GALK2: variants seen among roughly 807,000 people sequenced by gnomAD.
GALK2 encodes N-acetylgalactosamine kinase.
Under a neutral mutation model 52.4 loss-of-function variants are expected in GALK2, and 36 were observed. The observed-to-expected ratio is 0.69, with a 90% CI of 0.53 to 0.91. The LOEUF (loss-of-function observed/expected upper bound fraction) is 0.91. GALK2 is among the 40% of genes least tolerant of loss of function. GALK2 has a pLI of 0.00. For missense variants in GALK2, 579 were observed against 559.1 expected (o/e 1.04, Z -0.36); for synonymous variants, 176 against 199.1 (o/e 0.88, Z 0.98).
chr15:49,226,376 C>T (rs2090136792), intron 3 of GALK2, among the ~76,000 whole-genome samples: 1 of 152,180 alleles, frequency 6.6e-6, no homozygotes. Flanking sequence ...CCAGCTTCTT[C>T]TCTTTTCAGC....
chr15:49,291,373 G>A (rs2033918415), intron 7 of GALK2, among the ~76,000 whole-genome samples: 1 of 152,138 alleles, frequency 6.6e-6, no homozygotes, highest in Non-Finnish European at 1.5e-5. Context: ...TGTAACCAGA[G>A]TACAATAGTC....
At chr15:49,304,311 T>A (rs190399933) in intron 8 of GALK2, among the ~76,000 whole-genome samples, 6 of 152,322 alleles carry the variant, frequency 3.9e-5, no homozygotes, top group Admixed American at 3.9e-4. Context: ...TCAAACTGAT[T>A]GTGCTTCAGT....
At chr15:49,186,992 G>A (rs1404260942) in intron 1 of GALK2, among the ~76,000 whole-genome samples, 1 of 152,210 alleles carries the variant, frequency 6.6e-6, no homozygotes, top group Non-Finnish European at 1.5e-5. Context: ...GATGCTTGTG[G>A]ATGTTCACTG....
At chr15:49,170,232 A>G, upstream of GALK2, 10 of 1,535,656 alleles carry the variant, frequency 6.5e-6, no homozygotes, top group Non-Finnish European at 8.8e-6. Flanking sequence ...CTCCCGGAAG[A>G]AAACGGCTCC....
chr15:49,358,870 G>C (rs2151381358), intron 3 of GALK2, among the ~76,000 whole-genome samples: 1 of 150,452 alleles, frequency 6.6e-6, no homozygotes, highest in East Asian at 2.0e-4. Flanking sequence ...AAACAGCATG[G>C]TACTGGTACC....
chr15:49,349,494 C>A (rs182104351), intron 3 of GALK2, among the ~76,000 whole-genome samples: 2 of 152,060 alleles, frequency 1.3e-5, no homozygotes, highest in African/African-American at 4.8e-5. Context: ...CTATGCCTTG[C>A]CAATATTTTT....
At chr15:49,197,093 C>T (rs535930355) in intron 1 of GALK2, among the ~76,000 whole-genome samples, 17 of 152,196 alleles carry the variant, frequency 1.1e-4, no homozygotes, top group Non-Finnish European at 2.2e-4. Context: ...GTCCCTGTCT[C>T]TCACTCTCTA....
intron 8 of GALK2, among the ~76,000 whole-genome samples, chr15:49,298,320 G>A (rs780697383): frequency 6.6e-6 from 1 of 152,180 alleles, no homozygotes; most frequent in African/African-American, 2.4e-5. Flanking sequence ...CCTTTGGGCA[G>A]AGACTATGGG....
chr15:49,276,656 C>A (rs928199273), intron 5 of GALK2, among the ~76,000 whole-genome samples: 9 of 152,140 alleles, frequency 5.9e-5, no homozygotes, highest in African/African-American at 2.2e-4. Context: ...CATGAATAGA[C>A]TCACTCACAT....
intron 1 of GALK2, among the ~76,000 whole-genome samples, chr15:49,184,118 A>G (rs180747805): frequency 6.2e-4 from 94 of 152,196 alleles, no homozygotes; most frequent in African/African-American, 1.9e-3. Flanking sequence ...TTTAGCTCTG[A>G]TAATATTTGT....
At position 49,217,170 on chromosome 15, in the gene GALK2, A is replaced by C; in HGVS notation, c.143-20A>C. On this transcript the variant is annotated intron_variant, in intron 2 of 9. Transcript: ENST00000560031. ...TTTTATATATTAGCAATGATTAAAA[A>C]AGCTTTCTCTTTTTTCTAGGAGAGC... is the stretch of plus-strand genomic sequence containing the variant. 6.3e-7 allele frequency: 1 copy of C among 1,599,884 alleles called. No individual in the cohort carries two copies. The highest frequency in any genetic ancestry group is 8.5e-7 in the Non-Finnish European group (1 of 1,171,554).
At chr15:49,187,822 C>G (rs1296149679) in intron 1 of GALK2, among the ~76,000 whole-genome samples, 1 of 152,112 alleles carries the variant, frequency 6.6e-6, no homozygotes, top group East Asian at 1.9e-4. Flanking sequence ...CTGGGATGCT[C>G]CCTTCAGGGT....
chr15:49,303,838 G>A (rs985335936), intron 8 of GALK2, among the ~76,000 whole-genome samples: 3 of 152,180 alleles, frequency 2.0e-5, no homozygotes, highest in African/African-American at 7.2e-5. Flanking sequence ...CTGCCTCAAG[G>A]GGAAGGAAGG....
upstream of GALK2, among the ~76,000 whole-genome samples, chr15:49,168,165 C>T (rs571732549): frequency 9.9e-5 from 15 of 152,234 alleles, no homozygotes; most frequent in African/African-American, 3.4e-4. Flanking sequence ...TAGTCTGCAT[C>T]GGTTTTGTTG....
chr15:49,156,532 T>G (rs1053152756), intron 1 of GALK2: 7 of 512,740 alleles, frequency 1.4e-5, no homozygotes, highest in Admixed American at 8.6e-5. Flanking sequence ...ATGTGTGTGT[T>G]GATTCCAAAG....
intron 3 of GALK2, among the ~76,000 whole-genome samples, chr15:49,351,945 A>G (rs1168571052): frequency 6.6e-6 from 1 of 152,214 alleles, no homozygotes; most frequent in Non-Finnish European, 1.5e-5. Flanking sequence ...ACTCTAATTT[A>G]TATTATTACC....
intron 5 of GALK2, among the ~76,000 whole-genome samples, chr15:49,264,357 C>T (rs1214363722): frequency 2.0e-5 from 3 of 152,164 alleles, no homozygotes; most frequent in Non-Finnish European, 2.9e-5. Context: ...TCCAGTTGAT[C>T]GCATCGGCTC....
chr15:49,359,013 G>A lies in GALK2; in HGVS notation c.427-8478G>A, dbSNP rs796269812. Among the ~76,000 whole-genome samples the A allele has an allele frequency of 4.6e-5, 7 of 152,060 alleles. No homozygotes were observed. The South Asian group carries it at 1.5e-3, about 32-fold the overall frequency. On this transcript the variant is annotated intron_variant, in intron 3 of 3. Coordinates refer to the GALK2 transcript ENST00000558399. The stretch of plus-strand genomic sequence containing the variant: ...AAGGATTCCCTATTTAATAAATGGT[G>A]CTGGGAAAACTGGCTAGCCATATGT...
At chr15:49,166,709 T>TCAA (rs1299767419), upstream of GALK2, among the ~76,000 whole-genome samples, 25 of 152,012 alleles carry the variant, frequency 1.6e-4, no homozygotes, top group Admixed American at 1.2e-3. Context: ...AGACTTGGTC[T>TCAA]CAACAACAAC....
Sources: gnomAD v4.1 joint callset for allele counts (sites outside exome capture counted in the v4.1 genomes callset) on GRCh38, gnomAD v4.1.1 for gene constraint, MANE v1.5 for transcripts, NCBI Gene and HGNC (gene_info 2026-07-23, HGNC 2026-07-21) for gene names.